The following CATSPERT variants were observed in gnomAD, a reference collection of about 807,000 sequenced individuals.
CATSPERT encodes the protein cation channel sperm-associated targeting subunit tau.
At chr2:201,593,247 G>C in the CATSPERT span, among the ~76,000 whole-genome samples, 1 of 151,502 alleles carries the variant, frequency 6.6e-6, no homozygotes, top group African/African-American at 2.4e-5. Flanking sequence ...GTACCCAGTA[G>C]TCATTCAGGA....
the CATSPERT span, among the ~76,000 whole-genome samples, chr2:201,580,239 A>T: frequency 6.6e-6 from 1 of 152,214 alleles, no homozygotes; most frequent in South Asian, 2.1e-4. Flanking sequence ...AGTTATCCAC[A>T]ATTCATTATG....
chr2:201,586,201 G>A, the CATSPERT span, among the ~76,000 whole-genome samples: 10,650 of 152,120 alleles, frequency 0.07, 540 homozygotes, highest in Non-Finnish European at 0.11. Flanking sequence ...AACTGTTTAT[G>A]TTATTGGTAA....
chr2:201,563,425 CTCACCT>C, the CATSPERT span, among the ~76,000 whole-genome samples: 3 of 65,666 alleles, frequency 4.6e-5, no homozygotes, highest in Non-Finnish European at 6.6e-5. Flanking sequence ...GGCTGACCCC[CTCACCT>C]CCCTCCCGGA....
the CATSPERT span, among the ~76,000 whole-genome samples, chr2:201,519,978 A>G: frequency 5.3e-5 from 8 of 152,228 alleles, no homozygotes; most frequent in Non-Finnish European, 1.0e-4. Flanking sequence ...AGAAAAAGAT[A>G]TTCCACACAA....
the CATSPERT span, among the ~76,000 whole-genome samples, chr2:201,563,074 A>C: frequency 6.8e-6 from 1 of 146,544 alleles, no homozygotes; most frequent in Admixed American, 6.7e-5. Context: ...GGGGCTCCTC[A>C]CCTCCCAGTA....
At chr2:201,617,033 A>C in the CATSPERT span, among the ~76,000 whole-genome samples, 1 of 152,194 alleles carries the variant, frequency 6.6e-6, no homozygotes, top group Non-Finnish European at 1.5e-5. Context: ...GGAGAACTAC[A>C]AACCACTGCT....
chr2:201,576,132 T>C, the CATSPERT span, among the ~76,000 whole-genome samples: 1 of 152,182 alleles, frequency 6.6e-6, no homozygotes, highest in Non-Finnish European at 1.5e-5. Flanking sequence ...CATGCCCACA[T>C]TGTTTTTGAG....
the CATSPERT span, chr2:201,603,207 A>G: frequency 1.2e-5 from 20 of 1,606,834 alleles, no homozygotes; most frequent in Admixed American, 2.9e-4. Context: ...TGATTCTTAA[A>G]TCAAAAGAAA....
At chr2:201,487,625 T>G in the CATSPERT span, 1 of 1,611,162 alleles carries the variant, frequency 6.2e-7, no homozygotes, top group South Asian at 1.1e-5. Context: ...ATATCCTCTT[T>G]TAATTTTTTT....
the CATSPERT span, chr2:201,545,584 CT>C: frequency 7.6e-7 from 1 of 1,310,902 alleles, no homozygotes; most frequent in Non-Finnish European, 1.0e-6. Context: ...AGGATGATTA[CT>C]TTTCGTGTTT....
chr2:201,591,360 C>T, the CATSPERT span, among the ~76,000 whole-genome samples: 2 of 152,162 alleles, frequency 1.3e-5, no homozygotes, highest in African/African-American at 4.8e-5. Flanking sequence ...CTTTTGGTAC[C>T]AGTACCATGC....
chr2:201,509,551 T>TA, the CATSPERT span, among the ~76,000 whole-genome samples: 1 of 150,960 alleles, frequency 6.6e-6, no homozygotes. Flanking sequence ...CACTTCTGGA[T>TA]AAAGACTTTA....
chr2:201,515,239 T>C, the CATSPERT span, among the ~76,000 whole-genome samples: 1 of 89,032 alleles, frequency 1.1e-5, no homozygotes, highest in African/African-American at 4.6e-5. Flanking sequence ...TTTTTTTTTT[T>C]TTTTTTTTTT....
At chr2:201,597,963 C>T in the CATSPERT span, among the ~76,000 whole-genome samples, 127 of 152,090 alleles carry the variant, frequency 8.4e-4, no homozygotes, top group Non-Finnish European at 1.6e-3. Flanking sequence ...AGTCCTAAAG[C>T]GTATGCAATG....
the CATSPERT span, among the ~76,000 whole-genome samples, chr2:201,607,767 G>A: frequency 2.6e-5 from 4 of 152,180 alleles, no homozygotes; most frequent in African/African-American, 7.2e-5. Flanking sequence ...AAATGCATAC[G>A]TTGCAATCCT....
chr2:201,565,672 A>G, the CATSPERT span: 2 of 1,469,834 alleles, frequency 1.4e-6, no homozygotes, highest in Non-Finnish European at 1.8e-6. Context: ...TTATACAAAT[A>G]ACACCTAAGA....
At chr2:201,565,945 C>A in the CATSPERT span, 1 of 1,337,688 alleles carries the variant, frequency 7.5e-7, no homozygotes, top group Non-Finnish European at 1.0e-6. Flanking sequence ...GCAGCTATCA[C>A]TTTTGAACCC....
the CATSPERT span, chr2:201,536,260 CT>C: frequency 6.2e-7 from 1 of 1,613,088 alleles, no homozygotes; most frequent in Non-Finnish European, 8.5e-7. Context: ...GTTGAATTAT[CT>C]TGGTCCGATT....
At chr2:201,540,605 C>T in the CATSPERT span, among the ~76,000 whole-genome samples, 1 of 152,174 alleles carries the variant, frequency 6.6e-6, no homozygotes, top group Admixed American at 6.6e-5. Flanking sequence ...TTTAAGCTTG[C>T]TGTTGAGACT....
Sources: allele counts gnomAD v4.1 joint callset (sites outside exome capture counted in the v4.1 genomes callset), GRCh38; gene constraint gnomAD v4.1.1; transcripts MANE v1.5; gene names NCBI Gene and HGNC (gene_info 2026-07-23, HGNC 2026-07-21).